The following GRM5 variants were observed in gnomAD, a reference collection of about 807,000 sequenced individuals.
GRM5 encodes the protein glutamate metabotropic receptor 5, also known as metabotropic glutamate receptor 5.
GRM5 carries 19 observed loss-of-function variants against 83.1 expected under a neutral mutation model. The ratio of observed to expected loss-of-function variants is 0.23; its 90% CI spans 0.16 to 0.34. The LOEUF (loss-of-function observed/expected upper bound fraction) is 0.34, where lower values mean the gene tolerates loss of function less well. Among genes scored for constraint, GRM5 ranks in the 10% least tolerant of loss-of-function variants. GRM5 has a pLI of 1.00. For missense variants in GRM5, 1,160 were observed against 1,588.3 expected (o/e 0.73, Z 4.58); for synonymous variants, 675 against 633.6 (o/e 1.07, Z -0.98).
chr11:88,988,878 A>T (rs1939848986), intron 2 of GRM5, among the ~76,000 whole-genome samples: 1 of 147,852 alleles, frequency 6.8e-6, no homozygotes, highest in Admixed American at 6.7e-5. Context: ...CATGGAAAGG[A>T]ACAACCGGTA....
intron 3 of GRM5, among the ~76,000 whole-genome samples, chr11:88,661,034 T>A (rs1365895866): frequency 6.6e-6 from 1 of 152,214 alleles, no homozygotes; most frequent in Non-Finnish European, 1.5e-5. Context: ...GATATAGTGG[T>A]GAACAAGGAA....
chr11:88,790,966 A>G (rs896095763), intron 3 of GRM5, among the ~76,000 whole-genome samples: 1 of 152,222 alleles, frequency 6.6e-6, no homozygotes, highest in African/African-American at 2.4e-5. Context: ...ACTGGCAGCA[A>G]TGTGGAAGAT....
intron 2 of GRM5, among the ~76,000 whole-genome samples, chr11:88,979,651 T>C (rs1939460795): frequency 6.6e-6 from 1 of 152,212 alleles, no homozygotes; most frequent in South Asian, 2.1e-4. Flanking sequence ...AGTTGTCTTT[T>C]GCCTCATCTG....
intron 3 of GRM5, among the ~76,000 whole-genome samples, chr11:88,661,596 T>C (rs568507750): frequency 6.6e-6 from 1 of 152,278 alleles, no homozygotes; most frequent in South Asian, 2.1e-4. Flanking sequence ...AAAATTCTAA[T>C]AGTGGGAGTC....
At chr11:88,860,818 C>A (rs1287477448) in intron 2 of GRM5, among the ~76,000 whole-genome samples, 1 of 152,080 alleles carries the variant, frequency 6.6e-6, no homozygotes, top group Non-Finnish European at 1.5e-5. Flanking sequence ...AAATTTTGAG[C>A]CTCATTTAAG....
intron 1 of GRM5, among the ~76,000 whole-genome samples, chr11:89,058,682 G>C (rs184929888): frequency 1.3e-5 from 2 of 152,258 alleles, no homozygotes; most frequent in Admixed American, 6.5e-5. Flanking sequence ...ATTTCAATTT[G>C]AGAAAGACAA....
intron 3 of GRM5, among the ~76,000 whole-genome samples, chr11:88,774,723 C>T (rs1300174153): frequency 1.3e-5 from 2 of 152,026 alleles, no homozygotes; most frequent in Non-Finnish European, 2.9e-5. Flanking sequence ...GGTTTTTGTC[C>T]TTGGTTCTGT....
At chr11:89,051,532 A>G (rs1029351000) in intron 1 of GRM5, among the ~76,000 whole-genome samples, 3 of 151,998 alleles carry the variant, frequency 2.0e-5, no homozygotes, top group African/African-American at 7.2e-5. Flanking sequence ...CAACATGGTG[A>G]AACCCCGTCT....
chr11:88,532,836 TGTAGAAAAAAGGAGGAAAGAACA>T (rs1298084430), intron 8 of GRM5, among the ~76,000 whole-genome samples: 20 of 152,216 alleles, frequency 1.3e-4, no homozygotes, highest in African/African-American at 4.8e-4. Flanking sequence ...ATAAAGTAAT[TGTAGAAAAAAGGAGGAAAGAACA>T]GACTTTTTTG....
chr11:88,749,676 T>C (rs903017697), intron 3 of GRM5, among the ~76,000 whole-genome samples: 2 of 152,072 alleles, frequency 1.3e-5, no homozygotes, highest in Non-Finnish European at 2.9e-5. Flanking sequence ...AGAAAAAATA[T>C]TAAGGACAGC....
chr11:88,631,052 C>G (rs878968036), intron 4 of GRM5, among the ~76,000 whole-genome samples: 2 of 152,124 alleles, frequency 1.3e-5, no homozygotes, highest in Admixed American at 1.3e-4. Context: ...GGTAGTGACA[C>G]TGGCAATTAC....
intron 2 of GRM5, among the ~76,000 whole-genome samples, chr11:88,928,509 C>T (rs1486030625): frequency 1.3e-5 from 2 of 148,458 alleles, no homozygotes; most frequent in Non-Finnish European, 3.0e-5. Context: ...TATATATGTA[C>T]TATTAATTCA....
At chr11:88,920,692 G>C (rs1945676062) in intron 2 of GRM5, among the ~76,000 whole-genome samples, 1 of 152,022 alleles carries the variant, frequency 6.6e-6, no homozygotes, top group Admixed American at 6.6e-5. Context: ...CAAAATACTA[G>C]CAAACCAAAT....
At chr11:88,843,457 CTG>C (rs1944241023) in intron 3 of GRM5, among the ~76,000 whole-genome samples, 2 of 152,120 alleles carry the variant, frequency 1.3e-5, no homozygotes, top group South Asian at 4.1e-4. Flanking sequence ...GCATCACAAA[CTG>C]TGCCTATATA....
chr11:88,825,500 C>A (rs1382368008), intron 3 of GRM5, among the ~76,000 whole-genome samples: 1 of 152,102 alleles, frequency 6.6e-6, no homozygotes, highest in Non-Finnish European at 1.5e-5. Context: ...TGTCTTAAAT[C>A]AGCAAATCAA....
intron 2 of GRM5, among the ~76,000 whole-genome samples, chr11:88,902,882 C>A (rs1252545908): frequency 7.7e-6 from 1 of 130,176 alleles, no homozygotes; most frequent in Non-Finnish European, 1.5e-5. Flanking sequence ...ATCCAGGAGG[C>A]GGAGGTTGCA....
intron 3 of GRM5, among the ~76,000 whole-genome samples, chr11:88,824,596 C>T (rs1943861881): frequency 1.3e-5 from 2 of 152,108 alleles, no homozygotes; most frequent in East Asian, 1.9e-4. Context: ...TAGTATGCAA[C>T]CTAGATTTCT....
rs374505377 is a variant in GRM5, at chr11:88,664,839, TGAGC to T, written c.912-11440_912-11437del. Reference sequence around the variant, plus strand: ...ATGTATATACTATATGATAATGATTTGAGCTATTATAAAAGTGACTTGAGCAACC... The same window carrying T: ...ATGTATATACTATATGATAATGATTTTATTATAAAAGTGACTTGAGCAACC... On this transcript the variant is annotated intron_variant, in intron 3 of 9. Transcript: ENST00000305447. Among the ~76,000 whole-genome samples the T allele has an allele frequency of 7.9e-5, 12 of 152,298 alleles. No individual in the cohort carries two copies. In the East Asian group the frequency reaches 1.9e-3, roughly 24 times the overall value.
intron 2 of GRM5, among the ~76,000 whole-genome samples, chr11:88,934,799 A>C (rs1199720420): frequency 6.6e-6 from 1 of 151,928 alleles, no homozygotes; most frequent in Non-Finnish European, 1.5e-5. Context: ...ATAAAAATGC[A>C]TAAGTTAGTG....
Sources: allele counts gnomAD v4.1 joint callset (sites outside exome capture counted in the v4.1 genomes callset), GRCh38; gene constraint gnomAD v4.1.1; transcripts MANE v1.5; gene names NCBI Gene and HGNC (gene_info 2026-07-23, HGNC 2026-07-21).